Variants in CTNNA1 observed in about 807,000 individuals in gnomAD.
CTNNA1 encodes catenin alpha 1.
Under a neutral mutation model 98.4 loss-of-function variants are expected in CTNNA1, and 37 were observed. The ratio of observed to expected loss-of-function variants is 0.38; its 90% CI spans 0.29 to 0.49. The LOEUF (loss-of-function observed/expected upper bound fraction) is 0.49. Among genes scored for constraint, CTNNA1 ranks in the 20% least tolerant of loss-of-function variants. The pLI, the probability that CTNNA1 is intolerant of heterozygous loss-of-function variation, is 0.95. For missense variants in CTNNA1, 761 were observed against 1,147.2 expected (o/e 0.66, Z 4.86); for synonymous variants, 404 against 413.2 (o/e 0.98, Z 0.27).
intron 7 of CTNNA1, among the ~76,000 whole-genome samples, chr5:138,883,367 C>A (rs553493227): frequency 6.6e-6 from 1 of 152,156 alleles, no homozygotes; most frequent in Admixed American, 6.5e-5. Context: ...TAGTAAATAA[C>A]TGCTCCTAAA....
intron 7 of CTNNA1, among the ~76,000 whole-genome samples, chr5:138,865,045 C>G (rs1391626383): frequency 1.3e-5 from 2 of 152,086 alleles, no homozygotes; most frequent in Admixed American, 6.5e-5. Context: ...AACTCCTGAC[C>G]TCGTGATCCA....
At chr5:138,808,637 T>C (rs1758361210) in intron 3 of CTNNA1, among the ~76,000 whole-genome samples, 1 of 150,788 alleles carries the variant, frequency 6.6e-6, no homozygotes, top group African/African-American at 2.4e-5. Context: ...CCAAAGATGA[T>C]AGCTAGGAGA....
chr5:138,833,198 T>C (rs1761450507), intron 7 of CTNNA1, among the ~76,000 whole-genome samples: 2 of 152,180 alleles, frequency 1.3e-5, no homozygotes, highest in South Asian at 4.1e-4. Flanking sequence ...TGAAATGAAC[T>C]CCATTTGGTT....
intron 1 of CTNNA1, among the ~76,000 whole-genome samples, chr5:138,777,616 G>C (rs994577807): frequency 6.6e-6 from 1 of 152,014 alleles, no homozygotes; most frequent in African/African-American, 2.4e-5. Context: ...GGCACCTCTG[G>C]AGGCCGAGGC....
chr5:138,892,686 G>T (rs1191609370), intron 9 of CTNNA1, among the ~76,000 whole-genome samples: 1 of 151,822 alleles, frequency 6.6e-6, no homozygotes, highest in Non-Finnish European at 1.5e-5. Context: ...ATAATTTTTG[G>T]TACCTTTTTG....
At chr5:138,908,381 A>C (rs1759758243) in intron 10 of CTNNA1, among the ~76,000 whole-genome samples, 1 of 152,212 alleles carries the variant, frequency 6.6e-6, no homozygotes, top group African/African-American at 2.4e-5. Context: ...GAGATAGTAA[A>C]GTTGAGTTCA....
chr5:138,927,396 C>G (rs1196338445), intron 13 of CTNNA1, among the ~76,000 whole-genome samples: 5 of 152,206 alleles, frequency 3.3e-5, no homozygotes, highest in African/African-American at 9.6e-5. Flanking sequence ...GCTAAGCCCC[C>G]CTTCTGTGGC....
At position 138,904,340 on chromosome 5, in the gene CTNNA1, T is replaced by C. The variant is rs766859797; in HGVS notation, c.1297-9T>C. On this transcript the variant is annotated splice_polypyrimidine_tract_variant and intron_variant, in intron 9 of 17. Coordinates refer to ENST00000302763, the MANE Select transcript of CTNNA1 (RefSeq NM_001903.5). The stretch of plus-strand genomic sequence containing the variant: ...AAAAATCTTTAAAGATTATTTTTTA[T>C]GTTTATAGGTTGCCAACTTGGCCTG... 1 of 1,605,464 alleles carries C rather than the reference T, an allele frequency of 6.2e-7. No individual in the cohort carries two copies.
rs28363415 is a variant in CTNNA1 at position 138,833,581 on chromosome 5, A to G, written c.1062+5863A>G. On this transcript the variant is annotated intron_variant, in intron 7 of 17. Coordinates refer to ENST00000302763, the MANE Select transcript of CTNNA1 (RefSeq NM_001903.5). The stretch of plus-strand genomic sequence containing the variant: ...GGTTATATATGTATCTATAACTTGT[A>G]TATATGTTATAAAAATTATATGGGT... Among the ~76,000 whole-genome samples, 131 of 152,322 alleles carry G rather than the reference A, an allele frequency of 8.6e-4. 1 individual carries two copies. Among genetic ancestry groups the G allele is most frequent in the African/African-American group, 3.0e-3 (123 of 41,578 alleles).
rs1207598528 is a variant in CTNNA1, at chr5:138,934,292, A to G, written c.*203A>G. Reference sequence around the variant, plus strand: ...TTTTAGAATGCAGGAGCCTACTTCTAGCTGTATTTTTTGTATGCTTAAATA... The same window carrying G: ...TTTTAGAATGCAGGAGCCTACTTCTGGCTGTATTTTTTGTATGCTTAAATA... On this transcript the variant is annotated 3_prime_UTR_variant, in exon 18 of 18. Transcript: ENST00000302763. 17 of 545,318 alleles carry G rather than the reference A, an allele frequency of 3.1e-5. No homozygotes were observed. Among genetic ancestry groups the G allele is most frequent in the Middle Eastern group, 4.7e-4 (1 of 2,150 alleles). 33.8% of individuals were successfully genotyped at this position (545,318 alleles called of 1,614,324 possible).
chr5:138,823,129 C>T (rs1027581965), intron 5 of CTNNA1, among the ~76,000 whole-genome samples: 4 of 152,176 alleles, frequency 2.6e-5, no homozygotes, highest in African/African-American at 9.7e-5. Context: ...TTAGAGTTAT[C>T]ACCTGTATTC....
intron 7 of CTNNA1, among the ~76,000 whole-genome samples, chr5:138,858,846 G>A (rs999601235): frequency 1.3e-5 from 2 of 152,172 alleles, no homozygotes; most frequent in African/African-American, 4.8e-5. Context: ...TGATCCGCCT[G>A]CCTCGGCCTC....
chr5:138,851,207 C>T (rs192652197), intron 7 of CTNNA1, among the ~76,000 whole-genome samples: 10 of 152,266 alleles, frequency 6.6e-5, no homozygotes, highest in Non-Finnish European at 8.8e-5. Flanking sequence ...CTGCCTTTGT[C>T]GTTTTCATTG....
chr5:138,821,932 G>A (rs1046793204), intron 5 of CTNNA1, among the ~76,000 whole-genome samples: 3 of 152,114 alleles, frequency 2.0e-5, no homozygotes, highest in Non-Finnish European at 4.4e-5. Context: ...ACAGTAAATA[G>A]TGCTGTACTG....
At chr5:138,850,934 T>C (rs1181979503) in intron 7 of CTNNA1, among the ~76,000 whole-genome samples, 3 of 152,234 alleles carry the variant, frequency 2.0e-5, no homozygotes, top group Non-Finnish European at 2.9e-5. Context: ...ACTTTAGCCA[T>C]GCACAAACGT....
rs957346944 is a variant in CTNNA1 at position 138,904,464 on chromosome 5, G to A, written c.1389+23G>A. On this transcript the variant is annotated intron_variant, in intron 10 of 17. Transcript: ENST00000302763. The stretch of plus-strand genomic sequence containing the variant: ...CAGGTAAAGTACAACTGACACTGGT[G>A]ACAGCATAACCAAATTAAATTTTGA... 1.9e-6 allele frequency: 3 copies of A among 1,603,520 alleles called. No individual in the cohort carries two copies. In the African/African-American group the frequency reaches 4.0e-5, roughly 22 times the overall value.
At chr5:138,813,828 G>A (rs1001049647) in intron 5 of CTNNA1, among the ~76,000 whole-genome samples, 5 of 152,128 alleles carry the variant, frequency 3.3e-5, no homozygotes, top group African/African-American at 1.2e-4. Flanking sequence ...CATGTTGCCA[G>A]GCTGGTCTTG....
intron 1 of CTNNA1, among the ~76,000 whole-genome samples, chr5:138,772,628 T>C (rs1753669718): frequency 6.6e-6 from 1 of 152,194 alleles, no homozygotes; most frequent in African/African-American, 2.4e-5. Flanking sequence ...GCCAGCAACT[T>C]ACGGGATATA....
At chr5:138,817,613 T>TG (rs1312740897) in intron 5 of CTNNA1, among the ~76,000 whole-genome samples, 2 of 152,196 alleles carry the variant, frequency 1.3e-5, no homozygotes, top group African/African-American at 2.4e-5. Context: ...TTTCATTGTT[T>TG]TTTGTTTGTT....
Sources: gnomAD v4.1 joint callset for allele counts (sites outside exome capture counted in the v4.1 genomes callset) on GRCh38, gnomAD v4.1.1 for gene constraint, MANE v1.5 for transcripts, NCBI Gene and HGNC (gene_info 2026-07-23, HGNC 2026-07-21) for gene names.